The following WWOX variants were observed in gnomAD, a reference collection of about 807,000 sequenced individuals.
WWOX encodes WW domain containing oxidoreductase.
A neutral mutation model predicts 46.2 loss-of-function variants in WWOX; 69 were observed. The observed-to-expected ratio is 1.49, with a 90% confidence interval of 1.23 to 1.82. The LOEUF (loss-of-function observed/expected upper bound fraction) is 1.82. Ranked by LOEUF, WWOX falls within the 40% of genes most tolerant of loss-of-function variation. WWOX has a pLI of 0.00. For synonymous variants in WWOX, 359 were observed against 202.6 expected, an observed-to-expected ratio of 1.77 and a Z score of -6.56; for missense variants, 919 against 542.6, an observed-to-expected ratio of 1.69 and a Z score of -6.89.
chr16:78,505,670 C>A (rs1439025859), intron 8 of WWOX, among the ~76,000 whole-genome samples: 1 of 152,062 alleles, frequency 6.6e-6, no homozygotes, highest in Non-Finnish European at 1.5e-5. Flanking sequence ...TGGCTAGCAA[C>A]ACCCTCATTC....
chr16:78,456,870 T>C (rs2083831171), intron 8 of WWOX, among the ~76,000 whole-genome samples: 1 of 152,230 alleles, frequency 6.6e-6, no homozygotes, highest in South Asian at 2.1e-4. Flanking sequence ...TTGCAATGCA[T>C]CAGATGATGG....
At chr16:78,375,897 G>C (rs1188391139) in intron 5 of WWOX, among the ~76,000 whole-genome samples, 3 of 148,884 alleles carry the variant, frequency 2.0e-5, no homozygotes, top group African/African-American at 7.5e-5. Flanking sequence ...TGTTGCCCAG[G>C]CTCGAGTGCA....
chr16:78,773,265 C>T (rs574067899), intron 8 of WWOX, among the ~76,000 whole-genome samples: 12 of 152,230 alleles, frequency 7.9e-5, no homozygotes, highest in African/African-American at 2.4e-4. Flanking sequence ...ATTCCACACC[C>T]CATGTTCCTT....
At chr16:79,001,811 G>C (rs369581856) in intron 8 of WWOX, among the ~76,000 whole-genome samples, 2 of 152,078 alleles carry the variant, frequency 1.3e-5, no homozygotes, top group Admixed American at 6.5e-5. Context: ...CCTCATGACT[G>C]CTTTAGAGAG....
chr16:79,210,655 G>A (rs1465559601), intron 8 of WWOX, among the ~76,000 whole-genome samples: 1 of 152,156 alleles, frequency 6.6e-6, no homozygotes, highest in African/African-American at 2.4e-5. Flanking sequence ...AACTGTATTG[G>A]TTTTAAATTA....
At chr16:78,175,082 G>C (rs1293690483) in intron 5 of WWOX, among the ~76,000 whole-genome samples, 1 of 151,900 alleles carries the variant, frequency 6.6e-6, no homozygotes, top group Admixed American at 6.6e-5. Context: ...TAAGGAGCAG[G>C]GGGCCCCTTC....
At chr16:78,432,009 C>T (rs1334289544) in intron 7 of WWOX, among the ~76,000 whole-genome samples, 3 of 152,150 alleles carry the variant, frequency 2.0e-5, no homozygotes, top group African/African-American at 7.2e-5. Context: ...AGCCACCAGA[C>T]ATGACCTGTG....
At chr16:78,361,971 CTTT>C (rs56026502) in intron 5 of WWOX, among the ~76,000 whole-genome samples, 3 of 138,562 alleles carry the variant, frequency 2.2e-5, no homozygotes, top group Admixed American at 2.1e-4. Context: ...CAGGTATTTC[CTTT>C]TTTTTTTTTT....
intron 8 of WWOX, among the ~76,000 whole-genome samples, chr16:79,192,594 C>T (rs1691145176): frequency 6.6e-6 from 1 of 152,162 alleles, no homozygotes; most frequent in Non-Finnish European, 1.5e-5. Context: ...CTTAAGGTGC[C>T]TAGGTATTCA....
At chr16:78,834,702 G>A (rs1233557494) in intron 8 of WWOX, among the ~76,000 whole-genome samples, 1 of 152,170 alleles carries the variant, frequency 6.6e-6, no homozygotes, top group African/African-American at 2.4e-5. Context: ...GTATATTGCA[G>A]AGATAATTTA....
At chr16:78,456,671 T>G (rs2083824961) in intron 8 of WWOX, among the ~76,000 whole-genome samples, 1 of 152,248 alleles carries the variant, frequency 6.6e-6, no homozygotes, top group Non-Finnish European at 1.5e-5. Flanking sequence ...ATATATTTTT[T>G]GTTGATGACT....
intron 8 of WWOX, among the ~76,000 whole-genome samples, chr16:79,132,996 C>T (rs1245782447): frequency 6.6e-6 from 1 of 152,150 alleles, no homozygotes; most frequent in East Asian, 1.9e-4. Context: ...CTTACCAGTC[C>T]TGGCAGGCAC....
chr16:78,575,760 T>C (rs1409799280), intron 8 of WWOX, among the ~76,000 whole-genome samples: 1 of 152,140 alleles, frequency 6.6e-6, no homozygotes, highest in Non-Finnish European at 1.5e-5. Flanking sequence ...CACAACTCTA[T>C]TTACTTTTAA....
At position 78,837,802 on chromosome 16, in the gene WWOX, G is replaced by C. The variant is rs760700514; in HGVS notation, c.1057-373806G>C. ...TTCCTAGATTTGGGCATGGTGTTAGGAGTCTTATATTTATTATTTTACTTA... is the reference window on the plus strand; with the variant it reads ...TTCCTAGATTTGGGCATGGTGTTAGCAGTCTTATATTTATTATTTTACTTA... On this transcript the variant is annotated intron_variant, in intron 8 of 8. Coordinates refer to ENST00000566780, the MANE Select transcript of WWOX (RefSeq NM_016373.4). 3.3e-5 allele frequency among the ~76,000 whole-genome samples: 5 copies of C among 152,130 alleles called. No homozygotes were observed. In the East Asian group the frequency reaches 9.6e-4, roughly 29 times the overall value.
At chr16:78,203,557 G>A (rs1238787438) in intron 5 of WWOX, among the ~76,000 whole-genome samples, 1 of 152,050 alleles carries the variant, frequency 6.6e-6, no homozygotes, top group Admixed American at 6.5e-5. Flanking sequence ...AATATAATTA[G>A]GCAAACTTGT....
At chr16:78,430,215 T>C (rs183680573) in intron 7 of WWOX, among the ~76,000 whole-genome samples, 21 of 152,240 alleles carry the variant, frequency 1.4e-4, no homozygotes, top group East Asian at 3.9e-4. Flanking sequence ...GTGAGACTTA[T>C]TCACTACCAT....
chr16:78,821,400 G>C (rs1004523522), intron 8 of WWOX, among the ~76,000 whole-genome samples: 7 of 152,068 alleles, frequency 4.6e-5, no homozygotes, highest in African/African-American at 9.7e-5. Flanking sequence ...CTTTCCCCCT[G>C]CTCACCACAT....
At chr16:79,187,156 C>T (rs901000586) in intron 8 of WWOX, among the ~76,000 whole-genome samples, 8 of 152,184 alleles carry the variant, frequency 5.3e-5, no homozygotes, top group African/African-American at 1.2e-4. Context: ...CCACCACTTA[C>T]GAATTGAATG....
chr16:79,200,987 G>C (rs994329056), intron 8 of WWOX, among the ~76,000 whole-genome samples: 1 of 152,166 alleles, frequency 6.6e-6, no homozygotes, highest in Non-Finnish European at 1.5e-5. Flanking sequence ...AGCTGCTTTT[G>C]AACTAGTACT....
Sources: allele counts gnomAD v4.1 joint callset (sites outside exome capture counted in the v4.1 genomes callset), GRCh38; gene constraint gnomAD v4.1.1; transcripts MANE v1.5; gene names NCBI Gene and HGNC (gene_info 2026-07-23, HGNC 2026-07-21).